RNPEPL1: variants seen among roughly 807,000 people sequenced by gnomAD.
The protein encoded by RNPEPL1 is arginyl aminopeptidase like 1.
Under a neutral mutation model 69.0 loss-of-function variants are expected in RNPEPL1, and 46 were observed. The ratio of observed to expected loss-of-function variants is 0.67; its 90% CI spans 0.53 to 0.85. RNPEPL1 has a LOEUF of 0.85. Ranked by LOEUF, RNPEPL1 falls within the 40% of genes least tolerant of loss-of-function variation. RNPEPL1 has a pLI of 0.00. For synonymous variants in RNPEPL1, 525 were observed against 454.1 expected, an observed-to-expected ratio of 1.16 and a Z score of -1.98; for missense variants, 869 against 992.5, an observed-to-expected ratio of 0.88 and a Z score of 1.67.
chr2:240,573,405 G>A, intron 3 of RNPEPL1, 144 bp downstream of exon 3: 1 of 1,092,508 alleles, frequency 9.2e-7, no homozygotes, highest in Non-Finnish European at 1.3e-6. Context: ...CCCCTGCCTT[G>A]GTGCCACCGC....
At chr2:240,575,452 C>A in intron 7 of RNPEPL1, 50 bp from the exon 8 acceptor site, 1 of 1,498,240 alleles carries the variant, frequency 6.7e-7, no homozygotes, top group Non-Finnish European at 9.3e-7. Flanking sequence ...GGTGGGGCTG[C>A]CTGTGCCCCA....
rs1475725966 is a variant in RNPEPL1 at position 240,577,654 on chromosome 2, A to G, written c.1940A>G (p.Lys647Arg). The G allele has an allele frequency of 6.2e-7, 1 of 1,611,984 alleles. No homozygotes were observed. The highest frequency in any genetic ancestry group is 1.1e-5 in the South Asian group (1 of 91,008). Reference sequence around the variant, plus strand: ...GAGGACCTCTGCACCGGTGCCCTCAAGTCCTTCGCGCTGGAGGTCTTCTAC... The same window carrying G: ...GAGGACCTCTGCACCGGTGCCCTCAGGTCCTTCGCGCTGGAGGTCTTCTAC... ...LYEDLCTGAL[K>R]SFALEVFYQT... The change falls in exon 11 of 11, where the codon AAG (lysine) becomes AGG (arginine). Residue 647 changes from lysine (K) to arginine (R), a missense_variant. Lys to Arg is a conservative substitution (Grantham distance 26). Coordinates refer to ENST00000270357, the MANE Select transcript of RNPEPL1 (RefSeq NM_018226.6).
In RNPEPL1 at chr2:240,574,306, C is replaced by T. The variant is rs2093031439; in HGVS notation, c.1132C>T (p.Leu378=). The change falls in exon 5 of 11, where the codon CTG becomes TTG. Residue 378 remains leucine (L), a synonymous_variant. Coordinates refer to ENST00000270357, the MANE Select transcript of RNPEPL1 (RefSeq NM_018226.6). ...GGAAGAGATGTGGCTGAGCGAGGGC[C>T]TGGCCACCTATGCCCAGCGCCGTAT... The part of the protein sequence containing the change: ...TWEEMWLSEG[L]ATYAQRRITT... 6.2e-7 allele frequency: 1 copy of T among 1,606,144 alleles called. No individual in the cohort carries two copies. The highest frequency in any genetic ancestry group is 1.3e-5 in the African/African-American group (1 of 74,882).
At position 240,581,280 on chromosome 2, in the gene RNPEPL1, T is replaced by C. The variant is rs1168826729; in HGVS notation, c.*3388T>C. The C allele has an allele frequency of 6.6e-6, 1 of 152,184 alleles. No individual in the cohort carries two copies. Among genetic ancestry groups the C allele is most frequent in the Non-Finnish European group, 1.5e-5 (1 of 68,040 alleles). The allele number at this position is 152,184 out of a possible 1,614,324, so 9.4% of individuals were successfully genotyped here. ...ACCATAACATATGAAGAGGCACTTA[T>C]GAAACAAGAACAGGTAGTTTATAAA... On this transcript the variant is annotated 3_prime_UTR_variant, in exon 11 of 11. Transcript: ENST00000270357.
chr2:240,575,095 C>T lies in RNPEPL1; in HGVS notation c.1354C>T (p.Leu452=), dbSNP rs780933445. ...YEKGYCFVYY[L]SQLCGDPQRF... ...GAAGGGCTACTGCTTCGTGTACTAC[C>T]TGTCCCAGCTCTGCGGAGACCCACA... Residue 452 remains leucine (L), a synonymous_variant, in exon 7 of 11, where the codon CTG becomes TTG. Coordinates refer to ENST00000270357, the MANE Select transcript of RNPEPL1 (RefSeq NM_018226.6). The T allele has an allele frequency of 2.5e-6, 4 of 1,613,824 alleles. No homozygotes were observed. Among genetic ancestry groups the T allele is most frequent in the Admixed American group, 3.3e-5 (2 of 60,034 alleles).
chr2:240,576,768 G>A lies in RNPEPL1; in HGVS notation c.1741+3G>A, dbSNP rs373564590. 1 of 1,612,668 alleles carries A rather than the reference G, an allele frequency of 6.2e-7. No individual in the cohort carries two copies. The highest frequency in any genetic ancestry group is 8.5e-7 in the Non-Finnish European group (1 of 1,179,702). ...GGATGGGTCCCCGCTGCCGCAGGGTGAGTCCCTGCAGCTGATGGGGGCGGC... is the reference window on the plus strand; with the variant it reads ...GGATGGGTCCCCGCTGCCGCAGGGTAAGTCCCTGCAGCTGATGGGGGCGGC... On this transcript the variant is annotated splice_donor_region_variant and intron_variant, in intron 9 of 10. Coordinates refer to ENST00000270357, the MANE Select transcript of RNPEPL1 (RefSeq NM_018226.6).
chr2:240,569,295 T>A, intron 1 of RNPEPL1, 181 bp downstream of exon 1: 1 of 625,246 alleles, frequency 1.6e-6, no homozygotes, highest in Non-Finnish European at 2.4e-6. Context: ...GAAGCCGGAG[T>A]CCTGCGGGGA....
intron 1 of RNPEPL1, among the ~76,000 whole-genome samples, chr2:240,571,781 G>A (rs1418544849): frequency 6.6e-6 from 1 of 151,786 alleles, no homozygotes; most frequent in Non-Finnish European, 1.5e-5. Context: ...TCCAGGCAGC[G>A]GCCCCAGCCA....
In RNPEPL1 at chr2:240,573,223, G is replaced by A; in HGVS notation, c.783G>A (p.Leu261=). The A allele has an allele frequency of 6.3e-7, 1 of 1,575,554 alleles. No individual in the cohort carries two copies. The highest frequency in any genetic ancestry group is 8.6e-7 in the Non-Finnish European group (1 of 1,160,980). ...EHPVPAYLVA[L]VAGDLKPADI... is the part of the protein sequence containing the mutation. ...CCGTGCCCGCCTACCTCGTGGCCCT[G>A]GTGGCCGGAGACCTCAAGCCGGCAG... The change falls in exon 3 of 11, where the codon CTG becomes CTA. Residue 261 remains leucine, a synonymous_variant. Transcript: ENST00000270357.
intron 1 of RNPEPL1, among the ~76,000 whole-genome samples, chr2:240,571,040 G>T (rs1262472977): frequency 2.0e-5 from 3 of 152,146 alleles, no homozygotes; most frequent in Non-Finnish European, 2.9e-5. Context: ...GCAGGCTGAA[G>T]GGTTGGGGAG....
chr2:240,575,662 G>C, intron 8 of RNPEPL1, 52 bp downstream of exon 8: 3 of 1,459,620 alleles, frequency 2.1e-6, no homozygotes, highest in Non-Finnish European at 2.9e-6. Context: ...ATGATGGCAG[G>C]CGGGGCCTCT....
chr2:240,571,934 C>T (rs1347425353), intron 1 of RNPEPL1, among the ~76,000 whole-genome samples: 1 of 152,106 alleles, frequency 6.6e-6, no homozygotes, highest in Non-Finnish European at 1.5e-5. Context: ...TGGCTCTGGG[C>T]CCGGGCGTGC....
rs1280267869 is a variant in RNPEPL1, at chr2:240,577,710, C to A, written c.1996C>A (p.Arg666Ser). 1 of 1,612,694 alleles carries A rather than the reference C, an allele frequency of 6.2e-7. No homozygotes were observed. Among genetic ancestry groups the A allele is most frequent in the Non-Finnish European group, 8.5e-7 (1 of 1,179,748 alleles). The change falls in exon 11 of 11, where the codon CGC (arginine) becomes AGC (serine). Residue 666 changes from arginine to serine, a missense_variant. Around this residue, in one of 2 missense-constraint regions of RNPEPL1, gnomAD observed 610 missense variants for 790.9 expected, o/e 0.77. Transcript: ENST00000270357. Reference sequence around the variant, plus strand: ...GCAGGGCCGGCTGCACCCCAACCTGCGCAGAGCCATCCAGCAGATCCTGTC... The same window carrying A: ...GCAGGGCCGGCTGCACCCCAACCTGAGCAGAGCCATCCAGCAGATCCTGTC... ...QTQGRLHPNL[R>S]RAIQQILSQG... is the part of the protein sequence containing the mutation.
intron 8 of RNPEPL1, 150 bp from the exon 9 acceptor site, chr2:240,576,385 G>A: frequency 3.0e-6 from 2 of 673,122 alleles, no homozygotes; most frequent in East Asian, 5.5e-5. Context: ...AGTGCTGGCT[G>A]GAGCTGACTC....
rs1188159059 is a variant in RNPEPL1, at chr2:240,574,318, G to A, written c.1144G>A (p.Ala382Thr). 6.2e-7 allele frequency: 1 copy of A among 1,601,552 alleles called. No homozygotes were observed. The highest frequency in any genetic ancestry group is 1.3e-5 in the African/African-American group (1 of 74,502). Residue 382 changes from alanine to threonine, a missense_variant, in exon 5 of 11, where the codon GCC becomes ACC. Ala to Thr is a moderately conservative substitution (Grantham distance 58). Transcript: ENST00000270357. ...GCTGAGCGAGGGCCTGGCCACCTAT[G>A]CCCAGCGCCGTATCACCACCGAGAC... ...MWLSEGLATY[A>T]QRRITTETYG...
chr2:240,572,668 C>G, intron 2 of RNPEPL1, 105 bp downstream of exon 2: 1 of 1,384,632 alleles, frequency 7.2e-7, no homozygotes, highest in Non-Finnish European at 9.8e-7. Context: ...GCCCCAGCTG[C>G]CAGCAGGCCA....
In RNPEPL1 at chr2:240,576,918, C is replaced by T; in HGVS notation, c.1812C>T (p.Arg604=). 1 of 1,613,546 alleles carries T rather than the reference C, an allele frequency of 6.2e-7. No homozygotes were observed. The highest frequency in any genetic ancestry group is 8.5e-7 in the Non-Finnish European group (1 of 1,179,972). Residue 604 remains arginine (R), a synonymous_variant, in exon 10 of 11, where the codon CGC becomes CGT. Transcript: ENST00000270357. ...CGATGAACGCTGAGATCCGCATCCGCTGGCTGCAGATTGTGGTCCGCAACG... is the reference window on the plus strand; with the variant it reads ...CGATGAACGCTGAGATCCGCATCCGTTGGCTGCAGATTGTGGTCCGCAACG... ...LDSMNAEIRI[R]WLQIVVRNDY...
chr2:240,569,479 G>C (rs897295921), intron 1 of RNPEPL1, among the ~76,000 whole-genome samples: 2 of 152,254 alleles, frequency 1.3e-5, no homozygotes, highest in Non-Finnish European at 2.9e-5. Flanking sequence ...GCGTGCAGAT[G>C]AGTCCAAGCC....
At chr2:240,572,711 A>G (rs942198173) in intron 2 of RNPEPL1, 148 bp downstream of exon 2, 2 of 1,009,694 alleles carry the variant, frequency 2.0e-6, no homozygotes, top group African/African-American at 1.6e-5. Context: ...TCCCTACTCT[A>G]TGGGAGGAGC....
Sources: allele counts gnomAD v4.1 joint callset (sites outside exome capture counted in the v4.1 genomes callset), GRCh38; gene constraint gnomAD v4.1.1; regional missense constraint gnomAD v4.1.1; transcripts MANE v1.5; gene names NCBI Gene and HGNC (gene_info 2026-07-23, HGNC 2026-07-21).